NCOA2: variants seen among roughly 807,000 people sequenced by gnomAD.
NCOA2 encodes class E basic helix-loop-helix protein 75.
NCOA2 carries 21 observed loss-of-function variants against 145.1 expected under a neutral mutation model. That is an observed-to-expected ratio of 0.14 (90% confidence interval 0.10 to 0.21). The LOEUF (loss-of-function observed/expected upper bound fraction) is 0.21. Ranked by LOEUF, NCOA2 falls within the 10% of genes least tolerant of loss-of-function variation. NCOA2 has a pLI of 1.00. For synonymous variants in NCOA2, 619 were observed against 637.5 expected (o/e 0.97, Z 0.44); for missense variants, 1,472 against 1,837.6 (o/e 0.80, Z 3.64).
intron 2 of NCOA2, among the ~76,000 whole-genome samples, chr8:70,282,581 G>T (rs868052021): frequency 6.6e-6 from 1 of 151,896 alleles, no homozygotes; most frequent in Non-Finnish European, 1.5e-5. Context: ...CCAGCTACTC[G>T]GGAGGCTGAG....
chr8:70,208,908 T>C (rs11775170), intron 4 of NCOA2, among the ~76,000 whole-genome samples: 94,541 of 152,196 alleles, frequency 0.62, 31,925 homozygotes, highest in Non-Finnish European at 0.76. Context: ...ACTAACACAG[T>C]ATCTATGCTA....
At chr8:70,444,431 G>T in the NCOA2 span, among the ~76,000 whole-genome samples, 1 of 152,134 alleles carries the variant, frequency 6.6e-6, no homozygotes. Context: ...CTTCACTGGT[G>T]GTGGTTACAT....
intron 1 of NCOA2, among the ~76,000 whole-genome samples, chr8:70,399,617 A>G (rs1310401381): frequency 1.3e-5 from 2 of 152,256 alleles, no homozygotes; most frequent in African/African-American, 4.8e-5. Flanking sequence ...TACGCAAAAT[A>G]CTAAAGTTAG....
intron 4 of NCOA2, among the ~76,000 whole-genome samples, chr8:70,183,441 A>G (rs1815704673): frequency 6.6e-6 from 1 of 152,254 alleles, no homozygotes; most frequent in Admixed American, 6.5e-5. Flanking sequence ...ATATTTAAAA[A>G]GTTGTTTATA....
intron 1 of NCOA2, among the ~76,000 whole-genome samples, chr8:70,356,332 G>T (rs948267545): frequency 6.6e-6 from 1 of 151,250 alleles, no homozygotes; most frequent in Non-Finnish European, 1.5e-5. Context: ...AGAAAGAGTT[G>T]ATTGCTTTTT....
Position 70,144,710 on chromosome 8 carries a change from G to A in NCOA2, c.2744C>T (p.Pro915Leu). Reference sequence around the variant, plus strand: ...TTGATTACCCATCATTCCTGGCTGAGGTATCACTGAGTAGGGACTACTGTT... The same window carrying A: ...TTGATTACCCATCATTCCTGGCTGAAGTATCACTGAGTAGGGACTACTGTT... ...IRNSSPYSVI[P>L]QPGMMGNQGM... The change falls in exon 13 of 23, where the codon CCT becomes CTT. Residue 915 changes from proline (P) to leucine (L), a missense_variant. By Grantham distance (98) the Pro-to-Leu change is moderately conservative. Around this residue, in one of 4 missense-constraint regions of NCOA2, gnomAD observed 953 missense variants for 1,062.1 expected, o/e 0.90. Transcript: ENST00000452400. 1.2e-6 allele frequency: 2 copies of A among 1,613,958 alleles called. No homozygotes were observed. The highest frequency in any genetic ancestry group is 1.7e-6 in the Non-Finnish European group (2 of 1,179,878).
At chr8:70,445,015 A>C in the NCOA2 span, among the ~76,000 whole-genome samples, 1 of 152,198 alleles carries the variant, frequency 6.6e-6, no homozygotes, top group African/African-American at 2.4e-5. Flanking sequence ...TGAGACGTTG[A>C]ATGCTGTATT....
chr8:70,158,400 A>G (rs922254531), intron 10 of NCOA2, among the ~76,000 whole-genome samples: 3 of 152,246 alleles, frequency 2.0e-5, no homozygotes, highest in Admixed American at 2.0e-4. Flanking sequence ...TTTAAAAATC[A>G]ATATTCAATT....
chr8:70,312,390 T>C (rs776264182), intron 1 of NCOA2, among the ~76,000 whole-genome samples: 43 of 152,334 alleles, frequency 2.8e-4, no homozygotes, highest in Non-Finnish European at 5.7e-4. Flanking sequence ...TAAATCAATG[T>C]ATCTTTCTTG....
At chr8:70,397,615 T>C (rs895331237) in intron 1 of NCOA2, among the ~76,000 whole-genome samples, 10 of 152,018 alleles carry the variant, frequency 6.6e-5, no homozygotes, top group Non-Finnish European at 1.3e-4. Flanking sequence ...GCAGCAACAA[T>C]ACACAGGCAA....
intron 2 of NCOA2, among the ~76,000 whole-genome samples, chr8:70,238,406 G>A (rs1821841705): frequency 1.5e-5 from 2 of 137,822 alleles, no homozygotes; most frequent in South Asian, 5.0e-4. Context: ...CTATTTTACA[G>A]AGGAGAAAAC....
intron 2 of NCOA2, among the ~76,000 whole-genome samples, chr8:70,286,053 C>A (rs1826209173): frequency 6.6e-6 from 1 of 152,146 alleles, no homozygotes; most frequent in South Asian, 2.1e-4. Flanking sequence ...TTATGCCTAG[C>A]AGAATGTAGG....
chr8:70,404,630 A>T (rs370218751), upstream of NCOA2, among the ~76,000 whole-genome samples: 3 of 152,236 alleles, frequency 2.0e-5, no homozygotes, highest in African/African-American at 7.2e-5. Context: ...CCACCCGGCA[A>T]TTGCGGGATA....
At chr8:70,406,414 A>G (rs1172680875), upstream of NCOA2, among the ~76,000 whole-genome samples, 1 of 152,230 alleles carries the variant, frequency 6.6e-6, no homozygotes, top group Non-Finnish European at 1.5e-5. Flanking sequence ...GAGGCGGTAA[A>G]TAAGTTGGCT....
At chr8:70,450,828 A>C in the NCOA2 span, among the ~76,000 whole-genome samples, 1 of 151,272 alleles carries the variant, frequency 6.6e-6, no homozygotes, top group African/African-American at 2.4e-5. Flanking sequence ...TGGCCTCCCA[A>C]AGTGCTGGAA....
intron 1 of NCOA2, among the ~76,000 whole-genome samples, chr8:70,347,095 G>A (rs749493204): frequency 2.6e-5 from 4 of 152,050 alleles, no homozygotes; most frequent in Non-Finnish European, 2.9e-5. Context: ...ACGATAGTGG[G>A]ATTTACTTCT....
chr8:70,446,226 G>C, the NCOA2 span, among the ~76,000 whole-genome samples: 1 of 152,252 alleles, frequency 6.6e-6, no homozygotes, highest in South Asian at 2.1e-4. Flanking sequence ...CGGCTCACTC[G>C]GAGAACTGGG....
chr8:70,382,842 TTAA>T (rs900009215), intron 1 of NCOA2, among the ~76,000 whole-genome samples: 4 of 152,206 alleles, frequency 2.6e-5, no homozygotes, highest in South Asian at 2.1e-4. Context: ...ATCAGCCGTG[TTAA>T]TAATAATACT....
At chr8:70,347,260 A>G (rs987000307) in intron 1 of NCOA2, among the ~76,000 whole-genome samples, 1 of 152,032 alleles carries the variant, frequency 6.6e-6, no homozygotes, top group Non-Finnish European at 1.5e-5. Context: ...TGAAGCAGAC[A>G]GATCACCTGA....
Sources: gnomAD v4.1 joint callset for allele counts (sites outside exome capture counted in the v4.1 genomes callset) on GRCh38, gnomAD v4.1.1 for gene constraint, gnomAD v4.1.1 regional missense constraint, MANE v1.5 for transcripts, NCBI Gene and HGNC (gene_info 2026-07-23, HGNC 2026-07-21) for gene names.